Variants in PTPRN2 observed in about 807,000 individuals in gnomAD.
The protein encoded by PTPRN2 is protein tyrosine phosphatase receptor type N2.
A neutral mutation model predicts 118.8 loss-of-function variants in PTPRN2; 74 were observed. The observed-to-expected ratio is 0.62, with a 90% CI of 0.52 to 0.76. The LOEUF is 0.76. Ranked by LOEUF, PTPRN2 falls within the 30% of genes least tolerant of loss-of-function variation. PTPRN2 has a pLI of 0.00. For synonymous variants in PTPRN2, 641 were observed against 608.0 expected, an observed-to-expected ratio of 1.05 and a Z score of -0.80; for missense variants, 1,481 against 1,394.4, an observed-to-expected ratio of 1.06 and a Z score of -0.99.
intron 1 of PTPRN2, among the ~76,000 whole-genome samples, chr7:158,496,201 T>G (rs1821831110): frequency 1.1e-5 from 1 of 89,560 alleles, no homozygotes; most frequent in African/African-American, 3.6e-5. Context: ...AGTGTCCCCC[T>G]TCCCTGCAGC....
chr7:157,918,253 A>G (rs1239576758), intron 11 of PTPRN2, among the ~76,000 whole-genome samples: 1 of 152,254 alleles, frequency 6.6e-6, no homozygotes, highest in Non-Finnish European at 1.5e-5. Context: ...TTCTAAGACA[A>G]GGAAATTAGT....
Position 158,449,764 on chromosome 7 carries a change from C to T in PTPRN2, c.163+39971G>A, listed in dbSNP as rs1817975905. ...ACATCAGTTTCCCGCAGCCCCTGCA[C>T]TGGTGACCCTTAGTTCATTCACAAT... On this transcript the variant is annotated intron_variant, in intron 2 of 22. Coordinates refer to ENST00000389418, the MANE Select transcript of PTPRN2 (RefSeq NM_002847.5). Among the ~76,000 whole-genome samples, 3 of 152,256 alleles carry T rather than the reference C, an allele frequency of 2.0e-5. No homozygotes were observed. In the South Asian group the frequency reaches 6.2e-4, roughly 31 times the overall value.
intron 12 of PTPRN2, among the ~76,000 whole-genome samples, chr7:157,837,440 A>G (rs1026022137): frequency 2.0e-5 from 3 of 151,392 alleles, no homozygotes; most frequent in East Asian, 1.9e-4. Context: ...GTCTGATGGA[A>G]GAGGTGGTGG....
At chr7:158,439,095 T>A (rs557028931) in intron 2 of PTPRN2, among the ~76,000 whole-genome samples, 1 of 152,380 alleles carries the variant, frequency 6.6e-6, no homozygotes, top group East Asian at 1.9e-4. Flanking sequence ...TCTTATCTAT[T>A]TCTAACCTGG....
At chr7:157,789,794 GGTGT>G (rs201869210) in intron 12 of PTPRN2, among the ~76,000 whole-genome samples, 3 of 150,154 alleles carry the variant, frequency 2.0e-5, no homozygotes, top group South Asian at 2.1e-4. Flanking sequence ...GTATGTGTGT[GGTGT>G]GTGTGTGATG....
chr7:158,574,808 C>A lies in PTPRN2; in HGVS notation c.112+12750G>T, dbSNP rs1481866752. On this transcript the variant is annotated intron_variant, in intron 1 of 22. Coordinates refer to ENST00000389418, the MANE Select transcript of PTPRN2 (RefSeq NM_002847.5). This position sits in a 1 kb window ranked among gnomAD's most constrained non-coding sequence, Gnocchi z 4.6. ...CAGGCTGCTGGACAGGCCTTGCTGG[C>A]ACACTGGGTGGGTGGCTCCGTGGAG... 2.6e-5 allele frequency among the ~76,000 whole-genome samples: 4 copies of A among 152,230 alleles called. No individual in the cohort carries two copies. Among genetic ancestry groups the A allele is most frequent in the African/African-American group, 9.6e-5 (4 of 41,462 alleles).
At chr7:158,338,276 C>T (rs370825319) in intron 2 of PTPRN2, among the ~76,000 whole-genome samples, 4 of 23,396 alleles carry the variant, frequency 1.7e-4, no homozygotes, top group African/African-American at 6.4e-4. Context: ...TCACCATAAG[C>T]GCTGACACCT....
chr7:158,441,412 G>A lies in PTPRN2; in HGVS notation c.163+48323C>T, dbSNP rs560236407. ...GGTGATAATGATGGTCATGGTAGTG[G>A]TGGTGATGGTGATAGTGATGGTGAT... On this transcript the variant is annotated intron_variant, in intron 2 of 22. Coordinates refer to ENST00000389418, the MANE Select transcript of PTPRN2 (RefSeq NM_002847.5). Among the ~76,000 whole-genome samples, 84 of 148,338 alleles carry A rather than the reference G, an allele frequency of 5.7e-4. 3 individuals are homozygous for A. Among genetic ancestry groups the A allele is most frequent in the Middle Eastern group, 3.6e-3 (1 of 276 alleles).
chr7:158,316,328 C>A (rs1802319302), intron 3 of PTPRN2, among the ~76,000 whole-genome samples: 1 of 152,192 alleles, frequency 6.6e-6, no homozygotes, highest in Non-Finnish European at 1.5e-5. Flanking sequence ...AGAAGCGCAG[C>A]AGTGGGCCGG....
At position 158,110,920 on chromosome 7, in the gene PTPRN2, G is replaced by T; in HGVS notation, c.1557-5C>A. ...CCTTCCTCGGGGCGCAGGGGGCTGC[G>T]GATGACAGCAGGGATGGGGAGCAGT... On this transcript the variant is annotated splice_polypyrimidine_tract_variant and splice_region_variant and intron_variant, in intron 9 of 22. Transcript: ENST00000389418. The T allele has an allele frequency of 6.4e-7, 1 of 1,554,726 alleles. No individual in the cohort carries two copies. The highest frequency in any genetic ancestry group is 1.4e-5 in the African/African-American group (1 of 73,682).
chr7:158,216,500 GA>G (rs1310713427), intron 3 of PTPRN2, among the ~76,000 whole-genome samples: 2 of 151,816 alleles, frequency 1.3e-5, no homozygotes, highest in African/African-American at 2.4e-5. Flanking sequence ...TAGGATGGTT[GA>G]AAGTAAAAAT....
At chr7:157,584,408 A>G (rs1366885269) in intron 17 of PTPRN2, among the ~76,000 whole-genome samples, 1 of 152,198 alleles carries the variant, frequency 6.6e-6, no homozygotes, top group Non-Finnish European at 1.5e-5. Context: ...CATTTCTAAG[A>G]GGCCGTTTGG....
chr7:158,306,316 T>G (rs1451292777), intron 3 of PTPRN2, among the ~76,000 whole-genome samples: 1 of 152,222 alleles, frequency 6.6e-6, no homozygotes, highest in Non-Finnish European at 1.5e-5. Context: ...CATGGAGGGC[T>G]GTGTGCCTGC....
rs529391159 is a variant in PTPRN2, at chr7:157,673,114, C to T, written c.2001+9611G>A. ...TTTCGGCTCACCGCAACGTCTGCCTCCCAGGTTCAAGCAATTTTCCTGCCT... is the reference window on the plus strand; with the variant it reads ...TTTCGGCTCACCGCAACGTCTGCCTTCCAGGTTCAAGCAATTTTCCTGCCT... On this transcript the variant is annotated intron_variant, in intron 13 of 22. Coordinates refer to ENST00000389418, the MANE Select transcript of PTPRN2 (RefSeq NM_002847.5). Among the ~76,000 whole-genome samples the T allele has an allele frequency of 2.6e-5, 4 of 152,274 alleles. No individual in the cohort carries two copies. In the South Asian group the frequency reaches 8.3e-4, roughly 32 times the overall value.
At chr7:157,945,742 C>T (rs1800446198) in intron 11 of PTPRN2, among the ~76,000 whole-genome samples, 2 of 151,350 alleles carry the variant, frequency 1.3e-5, no homozygotes, top group African/African-American at 4.9e-5. Flanking sequence ...TGGACAATGC[C>T]ACCTCCAGCT....
chr7:158,503,938 T>A (rs1386219813), intron 1 of PTPRN2, among the ~76,000 whole-genome samples: 1 of 151,052 alleles, frequency 6.6e-6, no homozygotes, highest in African/African-American at 2.4e-5. Flanking sequence ...GAGTCGGAGG[T>A]TGCAGTGAGC....
chr7:157,727,072 C>T (rs140482213), intron 12 of PTPRN2, among the ~76,000 whole-genome samples: 24 of 152,268 alleles, frequency 1.6e-4, no homozygotes, highest in African/African-American at 5.5e-4. Context: ...AACAGGGTGG[C>T]GGTTCCTCAG....
intron 12 of PTPRN2, among the ~76,000 whole-genome samples, chr7:157,820,601 G>A (rs548150835): frequency 8.1e-5 from 12 of 148,090 alleles, no homozygotes; most frequent in South Asian, 2.2e-4. Flanking sequence ...CCCCACACAC[G>A]CATTCTTACA....
intron 2 of PTPRN2, among the ~76,000 whole-genome samples, chr7:158,361,412 A>G (rs1808946726): frequency 6.6e-6 from 1 of 151,970 alleles, no homozygotes; most frequent in South Asian, 2.1e-4. Flanking sequence ...CAACCCACAG[A>G]CTCTTCATCC....
Sources: allele counts gnomAD v4.1 joint callset (sites outside exome capture counted in the v4.1 genomes callset), GRCh38; gene constraint gnomAD v4.1.1; non-coding constraint Gnocchi (gnomAD v3.1); transcripts MANE v1.5; gene names NCBI Gene and HGNC (gene_info 2026-07-23, HGNC 2026-07-21).